Variants in TNS3 observed in about 807,000 individuals in gnomAD.
The protein encoded by TNS3 is tensin-3.
In TNS3, 45 loss-of-function variants were observed where a neutral mutation model predicts 140.9. That is an observed-to-expected ratio of 0.32 (90% CI 0.25 to 0.41). The LOEUF (loss-of-function observed/expected upper bound fraction) is 0.41, where lower values mean the gene tolerates loss of function less well. Among genes scored for constraint, TNS3 ranks in the 10% least tolerant of loss-of-function variants. The pLI is 1.00. For missense variants in TNS3, 1,716 were observed against 1,906.7 expected, an observed-to-expected ratio of 0.90 and a Z score of 1.86; for synonymous variants, 815 against 788.4, an observed-to-expected ratio of 1.03 and a Z score of -0.56.
chr7:47,283,810 C>T lies in TNS3; in HGVS notation c.3984G>A (p.Gln1328=). 1 of 1,611,940 alleles carries T rather than the reference C, an allele frequency of 6.2e-7. No individual in the cohort carries two copies. Among genetic ancestry groups the T allele is most frequent in the Non-Finnish European group, 8.5e-7 (1 of 1,178,980 alleles). ...SVEMESLTGH[Q]AIQKALSITL... Reference sequence around the variant, plus strand: ...TGATGCTCAGGGCCTTCTGGATCGCCTGGTGGCCGGTGAGGGACTCCATCT... The same window carrying T: ...TGATGCTCAGGGCCTTCTGGATCGCTTGGTGGCCGGTGAGGGACTCCATCT... The change falls in exon 28 of 31, where the codon CAG becomes CAA. Residue 1328 remains glutamine (Q), a synonymous_variant. Transcript: ENST00000311160.
chr7:47,291,874 T>C (rs1785724222), intron 27 of TNS3, 81 bp downstream of exon 27: 4 of 1,445,190 alleles, frequency 2.8e-6, no homozygotes, highest in Non-Finnish European at 1.9e-6. Context: ...ACCTGAATAC[T>C]GAAGTGCAAA....
chr7:47,436,842 G>A (rs888923010), intron 7 of TNS3, among the ~76,000 whole-genome samples: 26 of 152,200 alleles, frequency 1.7e-4, no homozygotes, highest in African/African-American at 5.1e-4. Flanking sequence ...CCCAGGAGGC[G>A]GGAGGAGGAA....
chr7:47,463,802 T>G (rs1796589279), intron 4 of TNS3, among the ~76,000 whole-genome samples: 1 of 152,210 alleles, frequency 6.6e-6, no homozygotes, highest in African/African-American at 2.4e-5. Flanking sequence ...ACCACAAAAT[T>G]GTCCTTGGTA....
intron 16 of TNS3, among the ~76,000 whole-genome samples, chr7:47,377,710 C>CCCTCCTCCCTTTCCTCCTCATTCT (rs1791484326): frequency 8.8e-6 from 1 of 113,866 alleles, no homozygotes; most frequent in Admixed American, 1.0e-4. Context: ...CTCTTTTTCC[C>CCCTCCTCCCTTTCCTCCTCATTCT]CCTCCTCCCT....
chr7:47,495,907 C>T (rs552489997), intron 3 of TNS3, among the ~76,000 whole-genome samples: 2 of 152,360 alleles, frequency 1.3e-5, no homozygotes, highest in Admixed American at 1.3e-4. Context: ...ACAGACCACT[C>T]AGGAGAGCAG....
chr7:47,300,897 A>C (rs1428094460), intron 23 of TNS3, among the ~76,000 whole-genome samples: 1 of 152,230 alleles, frequency 6.6e-6, no homozygotes, highest in Non-Finnish European at 1.5e-5. Context: ...AGGGAAATGA[A>C]GGTCTTTCCA....
At chr7:47,385,076 G>A (rs1238728867) in intron 16 of TNS3, among the ~76,000 whole-genome samples, 1 of 152,132 alleles carries the variant, frequency 6.6e-6, no homozygotes, top group South Asian at 2.1e-4. Context: ...GTCAAGTGAC[G>A]CCACAGCCAG....
intron 13 of TNS3, among the ~76,000 whole-genome samples, chr7:47,408,706 C>T (rs763097505): frequency 1.3e-5 from 2 of 152,174 alleles, no homozygotes; most frequent in Non-Finnish European, 2.9e-5. Flanking sequence ...ATATGTAAGC[C>T]CTACAAAATC....
intron 2 of TNS3, among the ~76,000 whole-genome samples, chr7:47,524,856 C>T (rs1799134453): frequency 6.9e-6 from 1 of 145,930 alleles, no homozygotes; most frequent in Non-Finnish European, 1.5e-5. Flanking sequence ...AGCAGCCATG[C>T]ATCCCTGCGG....
At chr7:47,465,476 G>A (rs1407393225) in intron 4 of TNS3, among the ~76,000 whole-genome samples, 11 of 152,084 alleles carry the variant, frequency 7.2e-5, no homozygotes, top group South Asian at 6.2e-4. Context: ...AGAGACACGC[G>A]GATCAGAAGC....
At chr7:47,290,828 T>C (rs1785654226) in intron 27 of TNS3, among the ~76,000 whole-genome samples, 1 of 152,198 alleles carries the variant, frequency 6.6e-6, no homozygotes, top group African/African-American at 2.4e-5. Context: ...AATGCGCTCC[T>C]TGGTATCTAC....
chr7:47,418,430 T>C (rs1794198035), intron 10 of TNS3, among the ~76,000 whole-genome samples: 1 of 152,236 alleles, frequency 6.6e-6, no homozygotes. Context: ...GCATTAAAGG[T>C]AGATATAAAT....
rs770160923 is a variant in TNS3, at chr7:47,369,282, C to G, written c.1364G>C (p.Arg455Pro). 1 of 1,614,166 alleles carries G rather than the reference C, an allele frequency of 6.2e-7. No homozygotes were observed. Among genetic ancestry groups the G allele is most frequent in the South Asian group, 1.1e-5 (1 of 91,080 alleles). ...GTGAACCTGGGCTGGCACCACGTGGCGGGTCCCACTGTACTTGCTTCGAGC... is the reference window on the plus strand; with the variant it reads ...GTGAACCTGGGCTGGCACCACGTGGGGGGTCCCACTGTACTTGCTTCGAGC... ...TDARSKYSGTRHVVPAQVHVN... is the reference protein window; with the variant it reads ...TDARSKYSGTPHVVPAQVHVN... Residue 455 changes from arginine to proline, a missense_variant, in exon 17 of 31, where the codon CGC becomes CCC. By Grantham distance (103) the Arg-to-Pro change is moderately radical. Around this residue, in one of 3 missense-constraint regions of TNS3, gnomAD observed 1,163 missense variants for 1,182.1 expected, o/e 0.98. Transcript: ENST00000311160.
intron 20 of TNS3, among the ~76,000 whole-genome samples, chr7:47,317,913 A>G (rs987634606): frequency 1.3e-5 from 2 of 152,202 alleles, no homozygotes; most frequent in Non-Finnish European, 2.9e-5. Context: ...ACAGCTGCTC[A>G]GTGAGTTTCG....
In TNS3 at chr7:47,357,178, CT is replaced by C. The variant is rs1237357178; in HGVS notation, c.2282-10823del. Among the ~76,000 whole-genome samples, 4 of 152,202 alleles carry C rather than the reference CT, an allele frequency of 2.6e-5. No homozygotes were observed. In the East Asian group the frequency reaches 7.7e-4, roughly 29 times the overall value. On this transcript the variant is annotated intron_variant, in intron 17 of 30. Transcript: ENST00000311160. ...CATTACCTATTTTAAAACATGCCTT[CT>C]TTCATTTTCTATCTGGGCACTAGAA...
At chr7:47,338,151 AAG>A (rs1316008875) in intron 20 of TNS3, among the ~76,000 whole-genome samples, 1 of 152,218 alleles carries the variant, frequency 6.6e-6, no homozygotes, top group African/African-American at 2.4e-5. Flanking sequence ...TTAAAGTAAA[AAG>A]AGTTCCTGTA....
chr7:47,424,054 A>C, intron 10 of TNS3, 47 bp downstream of exon 10: 1 of 1,581,976 alleles, frequency 6.3e-7, no homozygotes, highest in Non-Finnish European at 8.7e-7. Context: ...TTTTATATGT[A>C]AAATTTCATT....
intron 16 of TNS3, among the ~76,000 whole-genome samples, chr7:47,394,130 TA>T (rs1792689431): frequency 6.6e-6 from 1 of 152,234 alleles, no homozygotes; most frequent in South Asian, 2.1e-4. Context: ...CTTAGATATT[TA>T]AAGTTCAAAT....
At chr7:47,421,354 A>C (rs527473117) in intron 10 of TNS3, among the ~76,000 whole-genome samples, 1 of 152,190 alleles carries the variant, frequency 6.6e-6, no homozygotes, top group African/African-American at 2.4e-5. Context: ...TGTAACCTCC[A>C]ACTCCTGGGC....
Sources: gnomAD v4.1 joint callset for allele counts (sites outside exome capture counted in the v4.1 genomes callset) on GRCh38, gnomAD v4.1.1 for gene constraint, gnomAD v4.1.1 regional missense constraint, MANE v1.5 for transcripts, NCBI Gene and HGNC (gene_info 2026-07-23, HGNC 2026-07-21) for gene names.